IMMP2L: variants seen among roughly 807,000 people sequenced by gnomAD.
The protein encoded by IMMP2L is mitochondrial inner membrane protease subunit 2.
IMMP2L carries 18 observed loss-of-function variants against 19.3 expected under a neutral mutation model. That is an observed-to-expected ratio of 0.93 (90% confidence interval 0.64 to 1.38). IMMP2L has a LOEUF of 1.38. IMMP2L is among the 40% of genes most tolerant of loss of function. The pLI, the probability that IMMP2L is intolerant of heterozygous loss-of-function variation, is 0.00. For synonymous variants in IMMP2L, 76 were observed against 73.0 expected, an observed-to-expected ratio of 1.04 and a Z score of -0.21; for missense variants, 233 against 218.2, an observed-to-expected ratio of 1.07 and a Z score of -0.43.
intron 3 of IMMP2L, among the ~76,000 whole-genome samples, chr7:111,186,722 T>C (rs1808308981): frequency 6.6e-6 from 1 of 152,084 alleles, no homozygotes; most frequent in African/African-American, 2.4e-5. Flanking sequence ...TGAGCCACCG[T>C]GCCCAGCCTC....
chr7:111,036,385 AGT>A (rs1791358610), intron 3 of IMMP2L, among the ~76,000 whole-genome samples: 1 of 152,170 alleles, frequency 6.6e-6, no homozygotes, highest in Admixed American at 6.6e-5. Flanking sequence ...TTAAAATAAA[AGT>A]GTTCGCATTT....
chr7:111,306,720 G>A (rs915757687), intron 3 of IMMP2L, among the ~76,000 whole-genome samples: 9 of 150,798 alleles, frequency 6.0e-5, no homozygotes, highest in African/African-American at 2.2e-4. Context: ...TCTTGATAAA[G>A]TAATGCAGTG....
chr7:110,713,900 A>G (rs1795065573), intron 5 of IMMP2L, among the ~76,000 whole-genome samples: 1 of 152,030 alleles, frequency 6.6e-6, no homozygotes, highest in Admixed American at 6.5e-5. Flanking sequence ...TTCTTTTCCT[A>G]TTTTGGATGA....
intron 3 of IMMP2L, among the ~76,000 whole-genome samples, chr7:111,103,858 C>G (rs1236712777): frequency 6.6e-6 from 1 of 151,580 alleles, no homozygotes; most frequent in Non-Finnish European, 1.5e-5. Flanking sequence ...ATGGCAGCAG[C>G]ACAGAAAGAA....
At chr7:111,099,629 A>T (rs555902561) in intron 3 of IMMP2L, among the ~76,000 whole-genome samples, 3 of 151,798 alleles carry the variant, frequency 2.0e-5, no homozygotes, top group African/African-American at 7.2e-5. Flanking sequence ...GTTGCTGAGG[A>T]TTCCTCCAGT....
chr7:111,192,850 T>C (rs1345585889), intron 3 of IMMP2L, among the ~76,000 whole-genome samples: 2 of 151,976 alleles, frequency 1.3e-5, no homozygotes, highest in Non-Finnish European at 2.9e-5. Flanking sequence ...TAAAAACAAA[T>C]TACAGAGGCA....
At position 111,460,578 on chromosome 7, in the gene IMMP2L, G is replaced by C. The variant is rs761143428; in HGVS notation, c.239+26660C>G. 2.0e-5 allele frequency among the ~76,000 whole-genome samples: 3 copies of C among 151,602 alleles called. No homozygotes were observed. The South Asian group carries it at 6.3e-4, about 32-fold the overall frequency. Reference sequence around the variant, plus strand: ...GTGGTTAAAGAAGAAAAGTTAACTAGGAGAAGATAGGAATGACAGCAGTTA... The same window carrying C: ...GTGGTTAAAGAAGAAAAGTTAACTACGAGAAGATAGGAATGACAGCAGTTA... On this transcript the variant is annotated intron_variant, in intron 3 of 5. Transcript: ENST00000405709.
At chr7:110,699,980 GC>G (rs1476050584) in intron 5 of IMMP2L, among the ~76,000 whole-genome samples, 1 of 152,046 alleles carries the variant, frequency 6.6e-6, no homozygotes, top group Non-Finnish European at 1.5e-5. Flanking sequence ...ACAGTCCATA[GC>G]CCCAAAGAAA....
intron 4 of IMMP2L, among the ~76,000 whole-genome samples, chr7:110,917,588 A>G (rs1368772737): frequency 6.6e-6 from 1 of 152,184 alleles, no homozygotes; most frequent in Non-Finnish European, 1.5e-5. Flanking sequence ...ATGCTCCTCC[A>G]GCAAAAATAG....
chr7:110,724,676 A>G (rs552295936), intron 5 of IMMP2L: 2 of 152,240 alleles, frequency 1.3e-5, no homozygotes, highest in South Asian at 4.1e-4. Context: ...AGTAAAGAAA[A>G]TGGCATTCCA....
chr7:111,098,071 T>A (rs1253683679), intron 3 of IMMP2L, among the ~76,000 whole-genome samples: 3 of 151,784 alleles, frequency 2.0e-5, no homozygotes, highest in Non-Finnish European at 4.4e-5. Flanking sequence ...ATATGAAAGA[T>A]AAACATACTC....
chr7:111,556,035 TAC>T lies in IMMP2L; in HGVS notation c.-3+5814_-3+5815del, dbSNP rs1216693430. On this transcript the variant is annotated intron_variant, in intron 1 of 5. Transcript: ENST00000405709. ...GTGTGCATGTATATATATATATATA[TAC>T]ATACCCAAAGAAAATGAAACCGCAA... 3.5e-4 allele frequency among the ~76,000 whole-genome samples: 47 copies of T among 135,726 alleles called. 7 individuals are homozygous for T. The highest frequency in any genetic ancestry group is 7.6e-3 in the Middle Eastern group (2 of 264). 89.0% of individuals were successfully genotyped at this position (135,726 alleles called of 152,430 possible).
intron 5 of IMMP2L, among the ~76,000 whole-genome samples, chr7:110,702,658 T>C (rs912347029): frequency 1.1e-4 from 16 of 152,184 alleles, no homozygotes; most frequent in African/African-American, 3.6e-4. Flanking sequence ...CCTTAGTTTT[T>C]CAAGGTTTTA....
intron 3 of IMMP2L, among the ~76,000 whole-genome samples, chr7:111,335,086 T>C (rs890939963): frequency 3.3e-5 from 5 of 151,990 alleles, no homozygotes; most frequent in African/African-American, 1.2e-4. Context: ...TTACCGATGC[T>C]CTTCTGGAAT....
intron 3 of IMMP2L, among the ~76,000 whole-genome samples, chr7:111,236,656 C>G (rs979692781): frequency 2.0e-5 from 3 of 152,096 alleles, no homozygotes; most frequent in Non-Finnish European, 4.4e-5. Flanking sequence ...CTCTGTGCAT[C>G]TTCTCTCCAG....
intron 1 of IMMP2L, among the ~76,000 whole-genome samples, chr7:111,533,216 A>C (rs879792136): frequency 5.3e-5 from 8 of 152,306 alleles, no homozygotes; most frequent in Non-Finnish European, 1.2e-4. Flanking sequence ...TCCAGGTATT[A>C]TAACGAGCCT....
At chr7:111,387,528 C>T (rs571882566) in intron 3 of IMMP2L, among the ~76,000 whole-genome samples, 2 of 152,212 alleles carry the variant, frequency 1.3e-5, no homozygotes, top group East Asian at 3.9e-4. Flanking sequence ...AAAGAAAAAC[C>T]TGCCTTAACA....
chr7:110,795,375 C>T (rs1199528346), intron 5 of IMMP2L, among the ~76,000 whole-genome samples: 1 of 151,930 alleles, frequency 6.6e-6, no homozygotes, highest in East Asian at 1.9e-4. Context: ...AATCAGTATC[C>T]TATCATGGTT....
At chr7:111,222,754 T>C (rs766929592) in intron 3 of IMMP2L, among the ~76,000 whole-genome samples, 2 of 152,076 alleles carry the variant, frequency 1.3e-5, no homozygotes, top group Non-Finnish European at 2.9e-5. Flanking sequence ...AAAACTACTT[T>C]TGAAAATAAG....
Sources: allele counts gnomAD v4.1 joint callset (sites outside exome capture counted in the v4.1 genomes callset), GRCh38; gene constraint gnomAD v4.1.1; transcripts MANE v1.5; gene names NCBI Gene and HGNC (gene_info 2026-07-23, HGNC 2026-07-21).